SLC4A8: variants seen among roughly 807,000 people sequenced by gnomAD.
SLC4A8 encodes electroneutral sodium bicarbonate exchanger 1.
In SLC4A8, 40 loss-of-function variants were observed where a neutral mutation model predicts 125.0. That is an observed-to-expected ratio of 0.32 (90% confidence interval 0.25 to 0.42). The LOEUF is 0.42. Ranked by LOEUF, SLC4A8 falls within the 10% of genes least tolerant of loss-of-function variation. SLC4A8 has a pLI of 1.00. For missense variants in SLC4A8, 863 were observed against 1,355.1 expected, an observed-to-expected ratio of 0.64 and a Z score of 5.70; for synonymous variants, 456 against 476.0, an observed-to-expected ratio of 0.96 and a Z score of 0.55.
upstream of SLC4A8, among the ~76,000 whole-genome samples, chr12:51,420,874 T>C (rs1009745154): frequency 6.6e-6 from 1 of 152,324 alleles, no homozygotes; most frequent in African/African-American, 2.4e-5. Flanking sequence ...TTAACTGTGC[T>C]GGCTGTGTGC....
chr12:51,404,398 C>T (rs1948450671), intron 1 of SLC4A8, among the ~76,000 whole-genome samples: 1 of 152,164 alleles, frequency 6.6e-6, no homozygotes, highest in East Asian at 1.9e-4. Flanking sequence ...TCAGATGAGG[C>T]CCTCCTCACT....
intron 21 of SLC4A8, among the ~76,000 whole-genome samples, chr12:51,495,362 A>G (rs1293175434): frequency 1.3e-5 from 2 of 151,334 alleles, no homozygotes; most frequent in Non-Finnish European, 2.9e-5. Flanking sequence ...GGCAACCACC[A>G]TTCTACTTTC....
At chr12:51,483,083 C>G (rs150902110) in intron 16 of SLC4A8, among the ~76,000 whole-genome samples, 1 of 152,162 alleles carries the variant, frequency 6.6e-6, no homozygotes, top group Non-Finnish European at 1.5e-5. Context: ...TGAGTCTGTC[C>G]AAAGCTGGGT....
intron 1 of SLC4A8, among the ~76,000 whole-genome samples, chr12:51,397,538 C>G (rs1349771295): frequency 2.6e-5 from 4 of 151,918 alleles, no homozygotes; most frequent in African/African-American, 9.7e-5. Flanking sequence ...TCCTAATGAT[C>G]CAAATATCAC....
Position 51,495,064 on chromosome 12 carries a change from C to A in SLC4A8, c.2889C>A (p.Leu963=), listed in dbSNP as rs141954048. The A allele has an allele frequency of 8.1e-6, 13 of 1,613,988 alleles. No homozygotes were observed. Among genetic ancestry groups the A allele is most frequent in the Non-Finnish European group, 1.1e-5 (13 of 1,179,952 alleles). The change falls in exon 21 of 25, where the codon CTC becomes CTA. Residue 963 remains leucine, a synonymous_variant. Transcript: ENST00000453097. ...TCACCCTCATCCAGTTGACCTGTCT[C>A]GTCCTGCTCTGGGTCATCAAGGCAT... The part of the protein sequence containing the change: ...HLFTLIQLTC[L]VLLWVIKASP...
At chr12:51,486,892 A>G (rs1041515399) in intron 17 of SLC4A8, among the ~76,000 whole-genome samples, 4 of 152,216 alleles carry the variant, frequency 2.6e-5, no homozygotes, top group East Asian at 1.9e-4. Flanking sequence ...GGACTAACCA[A>G]TCCCTCTTGT....
At chr12:51,469,826 G>A (rs367734932) in intron 12 of SLC4A8, 38 bp downstream of exon 12, 2 of 1,598,962 alleles carry the variant, frequency 1.3e-6, no homozygotes, top group African/African-American at 1.3e-5. Flanking sequence ...TCCCAAACAA[G>A]ACCTAAAATA....
chr12:51,400,785 T>TATACATAC (rs1948371102), intron 1 of SLC4A8, among the ~76,000 whole-genome samples: 2 of 11,158 alleles, frequency 1.8e-4, no homozygotes, highest in South Asian at 4.3e-3. Context: ...TATACATACA[T>TATACATAC]ACACACACAC....
chr12:51,469,676 G>A lies in SLC4A8; in HGVS notation c.1412G>A (p.Arg471Gln), dbSNP rs775605654. ...RKAPWYWSDYRDALSLQCLAS... is the reference protein window; with the variant it reads ...RKAPWYWSDYQDALSLQCLAS... Reference sequence around the variant, plus strand: ...GCCCCCTGGTACTGGAGCGACTACCGAGATGCACTCAGCTTACAGTGTTTG... The same window carrying A: ...GCCCCCTGGTACTGGAGCGACTACCAAGATGCACTCAGCTTACAGTGTTTG... The change falls in exon 12 of 25, where the codon CGA (arginine) becomes CAA (glutamine). Residue 471 changes from arginine to glutamine, a missense_variant. Arg to Gln is a conservative substitution (Grantham distance 43, BLOSUM62 1). Coordinates refer to ENST00000453097, the MANE Select transcript of SLC4A8 (RefSeq NM_001039960.3). 32 of 1,613,912 alleles carry A rather than the reference G, an allele frequency of 2.0e-5. No homozygotes were observed. The highest frequency in any genetic ancestry group is 2.5e-5 in the Non-Finnish European group (29 of 1,180,012).
At chr12:51,468,652 C>T (rs908592973) in intron 11 of SLC4A8, among the ~76,000 whole-genome samples, 4 of 152,056 alleles carry the variant, frequency 2.6e-5, no homozygotes, top group Non-Finnish European at 5.9e-5. Context: ...CCCAGCTACT[C>T]GGGAGGCTGA....
At chr12:51,399,040 C>A (rs1948321112) in intron 1 of SLC4A8, among the ~76,000 whole-genome samples, 1 of 152,208 alleles carries the variant, frequency 6.6e-6, no homozygotes, top group Admixed American at 6.5e-5. Context: ...TGAGCCACCA[C>A]ACCTGGCTGA....
intron 1 of SLC4A8, among the ~76,000 whole-genome samples, chr12:51,437,376 A>T (rs2138105331): frequency 6.6e-6 from 1 of 152,264 alleles, no homozygotes; most frequent in East Asian, 1.9e-4. Context: ...AATGTTGGAG[A>T]TGGGGTCTGG....
chr12:51,395,656 A>C (rs1948245095), intron 1 of SLC4A8, among the ~76,000 whole-genome samples: 1 of 152,144 alleles, frequency 6.6e-6, no homozygotes, highest in South Asian at 2.1e-4. Flanking sequence ...GGGAGTGTGC[A>C]AGGGATGCCG....
chr12:51,493,394 GTGTGTGTGTGTT>G, intron 19 of SLC4A8, among the ~76,000 whole-genome samples: 1 of 152,046 alleles, frequency 6.6e-6, no homozygotes, highest in East Asian at 1.9e-4. Flanking sequence ...TTGTGTGTGT[GTGTGTGTGTGTT>G]TGTGTGTGTG....
At chr12:51,426,291 A>G (rs1421147353) in intron 1 of SLC4A8, among the ~76,000 whole-genome samples, 1 of 152,210 alleles carries the variant, frequency 6.6e-6, no homozygotes, top group Non-Finnish European at 1.5e-5. Flanking sequence ...TGGAAAATGC[A>G]TATCTAACCC....
intron 1 of SLC4A8, among the ~76,000 whole-genome samples, chr12:51,393,890 G>A (rs937132485): frequency 6.6e-6 from 1 of 152,200 alleles, no homozygotes; most frequent in African/African-American, 2.4e-5. Flanking sequence ...TGCCCCAGCT[G>A]CTTCTATTCT....
At position 51,505,943 on chromosome 12, in the gene SLC4A8, G is replaced by T. The variant is rs746716575; in HGVS notation, c.3269+13G>T. On this transcript the variant is annotated intron_variant, in intron 24 of 24. Coordinates refer to ENST00000453097, the MANE Select transcript of SLC4A8 (RefSeq NM_001039960.3). Reference sequence around the variant, plus strand: ...CAAAGGAAAAGAGGTAAAGAGAACTGTAACATCTGGTTTTTATTTATTTCT... The same window carrying T: ...CAAAGGAAAAGAGGTAAAGAGAACTTTAACATCTGGTTTTTATTTATTTCT... 1 of 1,184,764 alleles carries T rather than the reference G, an allele frequency of 8.4e-7. No individual in the cohort carries two copies. The highest frequency in any genetic ancestry group is 1.9e-5 in the Admixed American group (1 of 51,534). 73.4% of individuals were successfully genotyped at this position (1,184,764 alleles called of 1,614,324 possible).
rs1261346028 is a variant in SLC4A8, at chr12:51,510,212, G to A, written c.*2774G>A. On this transcript the variant is annotated 3_prime_UTR_variant, in exon 25 of 25. Coordinates refer to ENST00000453097, the MANE Select transcript of SLC4A8 (RefSeq NM_001039960.3). The stretch of plus-strand genomic sequence containing the variant: ...GAGGCCAAGATGGGCGGATCACGAG[G>A]TCAGGAGATCGAGACCATCCTGGCT... 1 of 152,294 alleles carries A rather than the reference G, an allele frequency of 6.6e-6. No homozygotes were observed. Among genetic ancestry groups the A allele is most frequent in the Non-Finnish European group, 1.5e-5 (1 of 68,140 alleles). The allele number at this position is 152,294 out of a possible 1,614,324, so 9.4% of individuals were successfully genotyped here.
Position 51,424,886 on chromosome 12 carries a change from G to T in SLC4A8, c.-102G>T. ...TTGATGGTTGACCGTTGGCTCCGGGGTGGGGGTCGCCGTTCGAGTGATCTG... is the reference window on the plus strand; with the variant it reads ...TTGATGGTTGACCGTTGGCTCCGGGTTGGGGGTCGCCGTTCGAGTGATCTG... On this transcript the variant is annotated 5_prime_UTR_variant, in exon 1 of 25. Transcript: ENST00000453097. 1.6e-6 allele frequency: 2 copies of T among 1,278,004 alleles called. No individual in the cohort carries two copies. Among genetic ancestry groups the T allele is most frequent in the Non-Finnish European group, 2.2e-6 (2 of 915,306 alleles). 79.2% of individuals were successfully genotyped at this position (1,278,004 alleles called of 1,614,324 possible).
Sources: allele counts gnomAD v4.1 joint callset (sites outside exome capture counted in the v4.1 genomes callset), GRCh38; gene constraint gnomAD v4.1.1; transcripts MANE v1.5; gene names NCBI Gene and HGNC (gene_info 2026-07-23, HGNC 2026-07-21).